SEMA3C: variants seen among roughly 807,000 people sequenced by gnomAD.
The protein encoded by SEMA3C is semaphorin-3C.
In SEMA3C, 47 loss-of-function variants were observed where a neutral mutation model predicts 89.4. The observed-to-expected ratio is 0.53, with a 90% confidence interval of 0.42 to 0.67. The LOEUF (loss-of-function observed/expected upper bound fraction) is 0.67. SEMA3C is among the 30% of genes least tolerant of loss of function. The probability of loss-of-function intolerance (pLI) is 0.00; values close to 1 mark genes in which losing one functional copy is unlikely to be tolerated. For missense variants in SEMA3C, 839 were observed against 929.1 expected (o/e 0.90, Z 1.26); for synonymous variants, 310 against 320.2 (o/e 0.97, Z 0.34).
intron 11 of SEMA3C, among the ~76,000 whole-genome samples, chr7:80,795,577 A>C (rs1380749462): frequency 1.3e-5 from 2 of 152,212 alleles, no homozygotes; most frequent in Non-Finnish European, 2.9e-5. Context: ...AAACAGTGAA[A>C]AGTGGGACTG....
intron 2 of SEMA3C, among the ~76,000 whole-genome samples, chr7:80,851,600 A>G (rs1029433539): frequency 5.3e-5 from 8 of 151,126 alleles, no homozygotes; most frequent in Non-Finnish European, 1.2e-4. Context: ...CCTACCACAG[A>G]GTATGACTGA....
chr7:80,860,433 G>C (rs1206770868), intron 2 of SEMA3C, among the ~76,000 whole-genome samples: 1 of 151,978 alleles, frequency 6.6e-6, no homozygotes, highest in African/African-American at 2.4e-5. Flanking sequence ...TTAACATGTG[G>C]CTCTGGACAT....
chr7:80,838,607 T>C (rs1470217880), intron 2 of SEMA3C, among the ~76,000 whole-genome samples: 1 of 152,290 alleles, frequency 6.6e-6, no homozygotes, highest in South Asian at 2.1e-4. Flanking sequence ...ACAAAGATAG[T>C]ACTTGGGACT....
At chr7:80,811,922 G>C (rs992913659) in intron 5 of SEMA3C, among the ~76,000 whole-genome samples, 10 of 152,272 alleles carry the variant, frequency 6.6e-5, no homozygotes, top group Non-Finnish European at 1.3e-4. Flanking sequence ...TTATAATTCA[G>C]TGGTTCTAAT....
At chr7:80,854,344 C>T (rs1434188451) in intron 2 of SEMA3C, among the ~76,000 whole-genome samples, 4 of 152,202 alleles carry the variant, frequency 2.6e-5, no homozygotes, top group Non-Finnish European at 5.9e-5. Context: ...GGGAGGCTCG[C>T]TGTTCCTTTA....
At chr7:80,912,431 G>C (rs1371557382) in intron 2 of SEMA3C, among the ~76,000 whole-genome samples, 1 of 152,102 alleles carries the variant, frequency 6.6e-6, no homozygotes, top group Non-Finnish European at 1.5e-5. Context: ...TTTTATAACA[G>C]TTTTTACCTT....
At chr7:80,837,294 G>A (rs571970476) in intron 2 of SEMA3C, among the ~76,000 whole-genome samples, 3 of 152,258 alleles carry the variant, frequency 2.0e-5, no homozygotes, top group South Asian at 2.1e-4. Context: ...TTCAGGAATC[G>A]AGAATTACCG....
At chr7:80,758,288 G>A (rs921233902) in intron 15 of SEMA3C, 43 bp downstream of exon 15, 1 of 1,583,966 alleles carries the variant, frequency 6.3e-7, no homozygotes, top group South Asian at 1.1e-5. Flanking sequence ...TGTATTGTCT[G>A]GTGTCCTACA....
At chr7:80,852,835 C>T (rs561689383) in intron 2 of SEMA3C, among the ~76,000 whole-genome samples, 5 of 152,030 alleles carry the variant, frequency 3.3e-5, no homozygotes, top group African/African-American at 7.2e-5. Context: ...CCCACCACCA[C>T]GCCTGGCCAA....
intron 7 of SEMA3C, among the ~76,000 whole-genome samples, chr7:80,805,239 A>G (rs1789310579): frequency 6.6e-6 from 1 of 152,092 alleles, no homozygotes; most frequent in Non-Finnish European, 1.5e-5. Flanking sequence ...TTGCATCTCA[A>G]TGTCATACAT....
intron 12 of SEMA3C, among the ~76,000 whole-genome samples, chr7:80,788,599 C>T (rs898852770): frequency 2.6e-5 from 4 of 152,128 alleles, no homozygotes; most frequent in African/African-American, 9.7e-5. Context: ...GCTAGTTATT[C>T]CCTATCATGT....
chr7:80,818,654 TA>T (rs924580562), intron 4 of SEMA3C, among the ~76,000 whole-genome samples: 4 of 142,152 alleles, frequency 2.8e-5, no homozygotes, highest in Non-Finnish European at 6.3e-5. Flanking sequence ...GCTAAAAAAA[TA>T]AAAATAAAAA....
intron 12 of SEMA3C, among the ~76,000 whole-genome samples, chr7:80,788,615 T>A (rs1788859584): frequency 6.6e-6 from 1 of 152,216 alleles, no homozygotes; most frequent in Non-Finnish European, 1.5e-5. Flanking sequence ...CATGTGGGTC[T>A]ATAAACAAGC....
chr7:80,906,803 G>A (rs1305725442), intron 2 of SEMA3C, among the ~76,000 whole-genome samples: 1 of 152,032 alleles, frequency 6.6e-6, no homozygotes, highest in Non-Finnish European at 1.5e-5. Context: ...AAGGGGAGAG[G>A]CAAGCATTTC....
chr7:80,830,782 C>G (rs1454558622), intron 2 of SEMA3C, among the ~76,000 whole-genome samples: 1 of 152,108 alleles, frequency 6.6e-6, no homozygotes, highest in African/African-American at 2.4e-5. Context: ...AGAGGTGACA[C>G]AGCTGGCAGG....
Position 80,824,038 on chromosome 7 carries a change from T to A in SEMA3C, c.327+3387A>T, listed in dbSNP as rs187152284. Among the ~76,000 whole-genome samples the A allele has an allele frequency of 9.2e-4, 140 of 152,292 alleles. 1 individual carries two copies. Among genetic ancestry groups the A allele is most frequent in the Non-Finnish European group, 1.4e-3 (98 of 68,014 alleles). On this transcript the variant is annotated intron_variant, in intron 4 of 17. Transcript: ENST00000265361. ...TACAGAATTATGCTGTATTACTACC[T>A]AAGACCAAATTTTAAATCACATTAA... is the stretch of plus-strand genomic sequence containing the variant.
chr7:80,811,171 T>A (rs538373706), intron 5 of SEMA3C, among the ~76,000 whole-genome samples: 3 of 152,160 alleles, frequency 2.0e-5, no homozygotes, highest in Non-Finnish European at 4.4e-5. Flanking sequence ...TTCAACAAAA[T>A]AATTCATAAT....
At chr7:80,907,653 G>T (rs892251868) in intron 2 of SEMA3C, among the ~76,000 whole-genome samples, 5 of 151,976 alleles carry the variant, frequency 3.3e-5, no homozygotes, top group Admixed American at 2.6e-4. Context: ...CCTATTAACT[G>T]CATCATTAGT....
At chr7:80,819,053 T>C (rs1206142042) in intron 4 of SEMA3C, among the ~76,000 whole-genome samples, 1 of 152,216 alleles carries the variant, frequency 6.6e-6, no homozygotes, top group East Asian at 1.9e-4. Context: ...AGAGTTGTCA[T>C]ACATGCCCTG....
Sources: allele counts gnomAD v4.1 joint callset (sites outside exome capture counted in the v4.1 genomes callset), GRCh38; gene constraint gnomAD v4.1.1; transcripts MANE v1.5; gene names NCBI Gene and HGNC (gene_info 2026-07-23, HGNC 2026-07-21).